The following HTR5A variants were observed in gnomAD, a reference collection of about 807,000 sequenced individuals.
HTR5A encodes 5-HT-5.
In HTR5A, 21 loss-of-function variants were observed where a neutral mutation model predicts 24.3. The observed-to-expected ratio is 0.86, with a 90% CI of 0.61 to 1.24. The LOEUF (loss-of-function observed/expected upper bound fraction) is 1.24, where lower values mean the gene tolerates loss of function less well. Among genes scored for constraint, HTR5A ranks in the 50% most tolerant of loss-of-function variants. HTR5A has a pLI of 0.00. For synonymous variants in HTR5A, 260 were observed against 213.7 expected (o/e 1.22, Z -1.89); for missense variants, 497 against 489.5 (o/e 1.02, Z -0.15).
rs1170394874 is a variant in HTR5A at position 155,070,839 on chromosome 7, G to A, written c.-61G>A. Reference sequence around the variant, plus strand: ...CGGATTGGCTCTGGGCACAGTGGCCGCCTTAAGTCCTCCTGAACACCCCTT... The same window carrying A: ...CGGATTGGCTCTGGGCACAGTGGCCACCTTAAGTCCTCCTGAACACCCCTT... On this transcript the variant is annotated 5_prime_UTR_variant, in exon 1 of 2. Transcript: ENST00000287907. The A allele has an allele frequency of 2.6e-6, 4 of 1,516,028 alleles. No homozygotes were observed. The highest frequency in any genetic ancestry group is 2.3e-5 in the East Asian group (1 of 44,098). 93.9% of individuals were successfully genotyped at this position (1,516,028 alleles called of 1,614,324 possible).
At chr7:155,078,505 G>A (rs920258433) in intron 1 of HTR5A, among the ~76,000 whole-genome samples, 1 of 152,040 alleles carries the variant, frequency 6.6e-6, no homozygotes, top group African/African-American at 2.4e-5. Flanking sequence ...TAGAAATAGG[G>A]TCTCACCATG....
chr7:155,078,719 T>G (rs996093803), intron 1 of HTR5A, among the ~76,000 whole-genome samples: 1 of 149,716 alleles, frequency 6.7e-6, no homozygotes, highest in African/African-American at 2.4e-5. Flanking sequence ...TTTTCACAAC[T>G]GGGTTATATA....
At position 155,071,169 on chromosome 7, in the gene HTR5A, C is replaced by A. The variant is rs767845479; in HGVS notation, c.270C>A (p.Ala90=). ...ASMAVSDVLV[A]ALVMPLSLVH... ...TGGCCGTCTCGGATGTCCTGGTGGCCGCGCTGGTCATGCCGCTGAGCCTGG... is the reference window on the plus strand; with the variant it reads ...TGGCCGTCTCGGATGTCCTGGTGGCAGCGCTGGTCATGCCGCTGAGCCTGG... Residue 90 remains alanine, a synonymous_variant, in exon 1 of 2, where the codon GCC becomes GCA. Coordinates refer to ENST00000287907, the MANE Select transcript of HTR5A (RefSeq NM_024012.4). 22 of 1,602,966 alleles carry A rather than the reference C, an allele frequency of 1.4e-5. No homozygotes were observed. In the East Asian group the frequency reaches 4.2e-4, roughly 31 times the overall value.
chr7:155,084,084 T>C (rs1795447637), intron 1 of HTR5A, 71 bp from the exon 2 acceptor site: 4 of 1,250,880 alleles, frequency 3.2e-6, no homozygotes, highest in Non-Finnish European at 4.4e-6. Context: ...TCCAGGCCTG[T>C]CAGTGTCCAG....
Position 155,071,426 on chromosome 7 carries a change from C to A in HTR5A, c.527C>A (p.Pro176Gln). ...CTCTCCGCTGTCATCTCTCTGGCCC[C>A]GCTGCTTTTTGGCTGGGGAGAGACG... The part of the protein sequence containing the change: ...WALSAVISLA[P>Q]LLFGWGETYS... The change falls in exon 1 of 2, where the codon CCG becomes CAG. Residue 176 changes from proline to glutamine, a missense_variant. By Grantham distance (76) the Pro-to-Gln change is moderately conservative. Coordinates refer to ENST00000287907, the MANE Select transcript of HTR5A (RefSeq NM_024012.4). 1 of 1,614,234 alleles carries A rather than the reference C, an allele frequency of 6.2e-7. No individual in the cohort carries two copies. Among genetic ancestry groups the A allele is most frequent in the Non-Finnish European group, 8.5e-7 (1 of 1,180,042 alleles).
chr7:155,074,941 T>C (rs1795344873), intron 1 of HTR5A, among the ~76,000 whole-genome samples: 1 of 152,216 alleles, frequency 6.6e-6, no homozygotes, highest in Non-Finnish European at 1.5e-5. Context: ...GTCAAGAGGT[T>C]TGAAGCCTTT....
At chr7:155,073,293 C>T (rs1795317926) in intron 1 of HTR5A, among the ~76,000 whole-genome samples, 1 of 128,492 alleles carries the variant, frequency 7.8e-6, no homozygotes, top group Admixed American at 1.0e-4. Flanking sequence ...TGCACTCCAG[C>T]CTGGGCGACA....
intron 1 of HTR5A, among the ~76,000 whole-genome samples, chr7:155,076,525 T>A (rs1795361313): frequency 6.6e-6 from 1 of 152,170 alleles, no homozygotes; most frequent in African/African-American, 2.4e-5. Flanking sequence ...ATGGTATTGT[T>A]ATTTTTGTTT....
rs73732211 is a variant in HTR5A, at chr7:155,086,032, A to G, written c.*1545A>G. On this transcript the variant is annotated 3_prime_UTR_variant, in exon 2 of 2. Coordinates refer to ENST00000287907, the MANE Select transcript of HTR5A (RefSeq NM_024012.4). ...AGAATTTATTTAGAAACGTCCTTAG[A>G]TTTTTCATCTGTATATATCACTTGA... Among the ~76,000 whole-genome samples, 1,538 of 152,254 alleles carry G rather than the reference A, an allele frequency of 0.01. 31 individuals carry two copies. The highest frequency in any genetic ancestry group is 0.035 in the African/African-American group (1,445 of 41,548).
rs1366838442 is a variant in HTR5A at position 155,086,524 on chromosome 7, T to C, written c.*2037T>C. Among the ~76,000 whole-genome samples the C allele has an allele frequency of 6.6e-6, 1 of 152,226 alleles. No individual in the cohort carries two copies. The highest frequency in any genetic ancestry group is 1.5e-5 in the Non-Finnish European group (1 of 68,028). On this transcript the variant is annotated 3_prime_UTR_variant, in exon 2 of 2. Transcript: ENST00000287907. ...TTAATTCAATCTCCAGCTGAGGGTT[T>C]TATTAATGTTTTCATAAGATGGATA...
chr7:155,084,161 G>T lies in HTR5A; in HGVS notation c.748G>T (p.Asp250Tyr), dbSNP rs755900282. 1.2e-6 allele frequency: 2 copies of T among 1,601,320 alleles called. No individual in the cohort carries two copies. Among genetic ancestry groups the T allele is most frequent in the South Asian group, 1.1e-5 (1 of 89,560 alleles). Residue 250 changes from aspartate to tyrosine, a missense_variant, in exon 2 of 2, where the codon GAC (aspartate) becomes TAC (tyrosine). Transcript: ENST00000287907. ...SPISEAVEVK[D>Y]SAKQPQMVFT... ...TCCTGCTTGTCTTTTACAGGTGAAG[G>T]ACTCTGCCAAACAGCCCCAGATGGT...
Position 155,071,353 on chromosome 7 carries a change from C to T in HTR5A, c.454C>T (p.Arg152Cys). The change falls in exon 1 of 2, where the codon CGC becomes TGC. Residue 152 changes from arginine (R) to cysteine (C), a missense_variant. Transcript: ENST00000287907. ...SITRHMEYTL[R>C]TRKCVSNVMI... Reference sequence around the variant, plus strand: ...CACGCGCCACATGGAATACACGCTCCGCACCCGCAAGTGCGTCTCCAACGT... The same window carrying T: ...CACGCGCCACATGGAATACACGCTCTGCACCCGCAAGTGCGTCTCCAACGT... The T allele has an allele frequency of 1.5e-5, 25 of 1,613,752 alleles. No homozygotes were observed. The highest frequency in any genetic ancestry group is 1.9e-5 in the Non-Finnish European group (23 of 1,180,038).
At chr7:155,071,961 C>T (rs192553043) in intron 1 of HTR5A, among the ~76,000 whole-genome samples, 1 of 152,280 alleles carries the variant, frequency 6.6e-6, no homozygotes, top group Admixed American at 6.5e-5. Context: ...CCCTTTAGAA[C>T]ATCTGAATAA....
At position 155,084,386 on chromosome 7, in the gene HTR5A, T is replaced by G. The variant is rs1795452846; in HGVS notation, c.973T>G (p.Trp325Gly). ...IPAIWKSIFLWLGYSNSFFNP... is the reference protein window; with the variant it reads ...IPAIWKSIFLGLGYSNSFFNP... Reference sequence around the variant, plus strand: ...CGCCATCTGGAAAAGCATCTTCCTGTGGCTTGGCTACTCCAACTCCTTCTT... The same window carrying G: ...CGCCATCTGGAAAAGCATCTTCCTGGGGCTTGGCTACTCCAACTCCTTCTT... The change falls in exon 2 of 2, where the codon TGG becomes GGG. Residue 325 changes from tryptophan (W) to glycine (G), a missense_variant. Coordinates refer to ENST00000287907, the MANE Select transcript of HTR5A (RefSeq NM_024012.4). 1.2e-6 allele frequency: 2 copies of G among 1,614,214 alleles called. 1 individual carries two copies.
At chr7:155,075,885 G>T (rs2150818503) in intron 1 of HTR5A, among the ~76,000 whole-genome samples, 1 of 152,234 alleles carries the variant, frequency 6.6e-6, no homozygotes, top group South Asian at 2.1e-4. Context: ...CTGTTTAAAT[G>T]GGGTCATTAT....
At chr7:155,080,009 C>T (rs1795398794) in intron 1 of HTR5A, among the ~76,000 whole-genome samples, 1 of 152,150 alleles carries the variant, frequency 6.6e-6, no homozygotes, top group African/African-American at 2.4e-5. Flanking sequence ...AAATCATTAG[C>T]CCTCAGGTCC....
In HTR5A at chr7:155,071,521, G is replaced by C. The variant is rs1382813307; in HGVS notation, c.622G>C (p.Ala208Pro). The change falls in exon 1 of 2, where the codon GCC becomes CCC. Residue 208 changes from alanine (A) to proline (P), a missense_variant. Ala to Pro is a conservative substitution (Grantham distance 27, BLOSUM62 -1). Coordinates refer to ENST00000287907, the MANE Select transcript of HTR5A (RefSeq NM_024012.4). Reference sequence around the variant, plus strand: ...CTACGCCGTGTTCTCCACCGTAGGCGCCTTCTACCTGCCGCTCTGTGTGGT... The same window carrying C: ...CTACGCCGTGTTCTCCACCGTAGGCCCCTTCTACCTGCCGCTCTGTGTGGT... The part of the protein sequence containing the change: ...PSYAVFSTVG[A>P]FYLPLCVVLF... The C allele has an allele frequency of 6.2e-7, 1 of 1,614,176 alleles. No individual in the cohort carries two copies. The highest frequency in any genetic ancestry group is 8.5e-7 in the Non-Finnish European group (1 of 1,180,038).
chr7:155,073,955 G>T (rs146851718), intron 1 of HTR5A, among the ~76,000 whole-genome samples: 15 of 143,556 alleles, frequency 1.0e-4, no homozygotes, highest in Non-Finnish European at 2.1e-4. Context: ...ACTTTTCCCA[G>T]ATCAGTTTTT....
At chr7:155,081,197 A>G (rs1899106) in intron 1 of HTR5A, among the ~76,000 whole-genome samples, 136,567 of 152,110 alleles carry the variant, frequency 0.9, 63,125 homozygotes, top group East Asian at 1. Flanking sequence ...TCTGACAGTG[A>G]TGTGGTCTAA....
Sources: gnomAD v4.1 joint callset for allele counts (sites outside exome capture counted in the v4.1 genomes callset) on GRCh38, gnomAD v4.1.1 for gene constraint, MANE v1.5 for transcripts, NCBI Gene and HGNC (gene_info 2026-07-23, HGNC 2026-07-21) for gene names.